Variants in HSPG2 observed in about 807,000 individuals in gnomAD.
HSPG2 encodes the protein heparan sulfate proteoglycan 2.
HSPG2 carries 278 observed loss-of-function variants against 526.6 expected under a neutral mutation model. The observed-to-expected ratio is 0.53, with a 90% CI of 0.48 to 0.58. The LOEUF (loss-of-function observed/expected upper bound fraction) is 0.58. Among genes scored for constraint, HSPG2 ranks in the 20% least tolerant of loss-of-function variants. The pLI, the probability that HSPG2 is intolerant of heterozygous loss-of-function variation, is 0.00. For missense variants in HSPG2, 5,354 were observed against 6,099.5 expected (o/e 0.88, Z 4.07); for synonymous variants, 2,465 against 2,555.4 (o/e 0.96, Z 1.07).
intron 37 of HSPG2, 29 bp from the exon 38 acceptor site, chr1:21,862,144 GC>G: frequency 6.2e-7 from 1 of 1,608,882 alleles, no homozygotes; most frequent in East Asian, 2.2e-5. Context: ...GCAGGCACCA[GC>G]CATTAGGCCA....
At position 21,870,982 on chromosome 1, in the gene HSPG2, G is replaced by A. The variant is rs571352193; in HGVS notation, c.4221+1204C>T. 6.1e-4 allele frequency: 335 copies of A among 549,058 alleles called. 2 individuals are homozygous for A. The African/African-American group carries it at 6.2e-3, about 10-fold the overall frequency. 34.0% of individuals were successfully genotyped at this position (549,058 alleles called of 1,614,324 possible). A position where few individuals can be genotyped will look rare whatever the true frequency, so the allele number is the denominator to read the frequency against. ...AGCGAACCCCAGAAGGGAGAGGGGA[G>A]AAGGGACCAGAAGGCAGCCAGCCCC... is the stretch of plus-strand genomic sequence containing the variant. On this transcript the variant is annotated intron_variant, in intron 33 of 96. Coordinates refer to ENST00000374695, the MANE Select transcript of HSPG2 (RefSeq NM_005529.7).
chr1:21,928,346 G>A (rs1644258940), intron 1 of HSPG2, among the ~76,000 whole-genome samples: 1 of 152,250 alleles, frequency 6.6e-6, no homozygotes, highest in South Asian at 2.1e-4. Context: ...AAGTGCAGGG[G>A]CCAGAGCACG....
chr1:21,871,489 T>C lies in HSPG2; in HGVS notation c.4221+697A>G, dbSNP rs539191350. Among the ~76,000 whole-genome samples the C allele has an allele frequency of 4.6e-5, 7 of 152,222 alleles. No individual in the cohort carries two copies. The South Asian group carries it at 1.5e-3, about 32-fold the overall frequency. ...ATTGCCCAGGCTGGTCTCAAACTCC[T>C]GAGCTCAAGTGGTCCTCCCGCCTCA... On this transcript the variant is annotated intron_variant, in intron 33 of 96. Transcript: ENST00000374695.
chr1:21,828,788 G>T lies in HSPG2; in HGVS notation c.12237+47C>A. On this transcript the variant is annotated intron_variant, in intron 88 of 96. Transcript: ENST00000374695. This position sits in a 1 kb window ranked among gnomAD's most constrained non-coding sequence, Gnocchi z 6.0. Reference sequence around the variant, plus strand: ...CTTGGAGAGCCGAGGGGGACACAAGGCTTGGCACCCCTCCCCTCCCGCTTG... The same window carrying T: ...CTTGGAGAGCCGAGGGGGACACAAGTCTTGGCACCCCTCCCCTCCCGCTTG... The T allele has an allele frequency of 3.9e-6, 6 of 1,549,704 alleles. No homozygotes were observed. The highest frequency in any genetic ancestry group is 4.4e-6 in the Non-Finnish European group (5 of 1,146,786).
At chr1:21,927,024 C>G (rs1644214880) in intron 1 of HSPG2, among the ~76,000 whole-genome samples, 2 of 152,058 alleles carry the variant, frequency 1.3e-5, no homozygotes, top group African/African-American at 4.8e-5. Flanking sequence ...GAGCCATGGG[C>G]AGGCGCAGGG....
Position 21,846,123 on chromosome 1 carries a change from C to A in HSPG2, c.8449G>T (p.Ala2817Ser), listed in dbSNP as rs1017686610. The A allele has an allele frequency of 1.2e-6, 2 of 1,612,902 alleles. No homozygotes were observed. ...LVTIEASGSS[A>S]VHVPAPGGAP... Reference sequence around the variant, plus strand: ...GGACCCTCACCGGGGACGTGGACAGCACTTGAGCCAGAGGCTTCGATGGTG... The same window carrying A: ...GGACCCTCACCGGGGACGTGGACAGAACTTGAGCCAGAGGCTTCGATGGTG... Residue 2817 changes from alanine (A) to serine (S), a missense_variant, in exon 64 of 97, where the codon GCT (alanine) becomes TCT (serine). Coordinates refer to ENST00000374695, the MANE Select transcript of HSPG2 (RefSeq NM_005529.7).
chr1:21,848,224 T>C lies in HSPG2; in HGVS notation c.7738-131A>G. The stretch of plus-strand genomic sequence containing the variant: ...GCCTCCTCAGTGGCCTTCGTGAAGC[T>C]CCCAGCATGGCATGTGGCCTGTCTC... On this transcript the variant is annotated intron_variant, in intron 59 of 96. Transcript: ENST00000374695. This position sits in a 1 kb window ranked among gnomAD's most constrained non-coding sequence, Gnocchi z 4.9. 1.2e-5 allele frequency: 13 copies of C among 1,070,830 alleles called. No individual in the cohort carries two copies. Among genetic ancestry groups the C allele is most frequent in the Non-Finnish European group, 1.7e-5 (12 of 726,194 alleles). The allele number at this position is 1,070,830 out of a possible 1,614,324, so 66.3% of individuals were successfully genotyped here.
rs1557743681 is a variant in HSPG2 at position 21,864,836 on chromosome 1, C to T, written c.4626+7G>A. 2 of 1,605,986 alleles carry T rather than the reference C, an allele frequency of 1.2e-6. No homozygotes were observed. Among genetic ancestry groups the T allele is most frequent in the East Asian group, 2.2e-5 (1 of 44,596 alleles). The stretch of plus-strand genomic sequence containing the variant: ...TGCAGAGGTGGTGGAGCTGGCCACA[C>T]ACTCACCTGGCAGGACAGACCGATG... On this transcript the variant is annotated splice_region_variant and intron_variant, in intron 36 of 96. Coordinates refer to ENST00000374695, the MANE Select transcript of HSPG2 (RefSeq NM_005529.7). This position sits in a 1 kb window ranked among gnomAD's most constrained non-coding sequence, Gnocchi z 4.8.
At position 21,875,892 on chromosome 1, in the gene HSPG2, G is replaced by A. The variant is rs544172715; in HGVS notation, c.3154C>T (p.Pro1052Ser). 1.6e-4 allele frequency: 258 copies of A among 1,614,104 alleles called. 5 individuals carry two copies. The South Asian group carries it at 2.7e-3, about 17-fold the overall frequency. Residue 1052 changes from proline to serine, a missense_variant, in exon 24 of 97, where the codon CCC becomes TCC. Transcript: ENST00000374695. ...HVAQEPSPGQ[P>S]STFIVPFREQ... is the part of the protein sequence containing the mutation. ...CGGAAAGGCACAATGAAGGTGCTGGGCTGGCCGGGGCTGGGCTCCTGGGCC... is the reference window on the plus strand; with the variant it reads ...CGGAAAGGCACAATGAAGGTGCTGGACTGGCCGGGGCTGGGCTCCTGGGCC...
intron 75 of HSPG2, among the ~76,000 whole-genome samples, chr1:21,835,856 C>G (rs185596336): frequency 1.3e-5 from 2 of 151,980 alleles, no homozygotes; most frequent in Non-Finnish European, 2.9e-5. Flanking sequence ...TGGTGGCACA[C>G]GCCTGTAATC....
Position 21,885,076 on chromosome 1 carries a change from A to T in HSPG2, c.1292T>A (p.Ile431Asn). 6.2e-7 allele frequency: 1 copy of T among 1,613,774 alleles called. No individual in the cohort carries two copies. Among genetic ancestry groups the T allele is most frequent in the East Asian group, 2.2e-5 (1 of 44,846 alleles). ...GQTVTFTCVA[I>N]GVPTPIINWR... ...ATTGATGATGGGGGTGGGGACGCCA[A>T]TGGCCACGCAGGTGAAGGTCACTGT... Residue 431 changes from isoleucine (I) to asparagine (N), a missense_variant, in exon 11 of 97, where the codon ATT becomes AAT. Coordinates refer to ENST00000374695, the MANE Select transcript of HSPG2 (RefSeq NM_005529.7).
chr1:21,833,734 C>A (rs1479231626), intron 78 of HSPG2, 82 bp downstream of exon 78: 4 of 1,538,776 alleles, frequency 2.6e-6, no homozygotes, highest in Non-Finnish European at 3.6e-6. Context: ...CAAGCCTGTG[C>A]CACATCCTGG....
Position 21,839,821 on chromosome 1 carries a change from C to T in HSPG2, c.9709+1G>A, listed in dbSNP as rs1406977726. 6.2e-7 allele frequency: 1 copy of T among 1,613,404 alleles called. No homozygotes were observed. The highest frequency in any genetic ancestry group is 8.5e-7 in the Non-Finnish European group (1 of 1,180,018). ...CCCTATGTGCCAGCCCTTGGTCACA[C>T]CTGTGGCTGAGCAGCGCAAGGTGGC... On this transcript the variant is annotated splice_donor_variant, in intron 72 of 96. Coordinates refer to ENST00000374695, the MANE Select transcript of HSPG2 (RefSeq NM_005529.7). LOFTEE classifies it high-confidence loss of function. This position sits in a 1 kb window ranked among gnomAD's most constrained non-coding sequence, Gnocchi z 4.5.
chr1:21,869,542 C>T (rs943123115), intron 33 of HSPG2: 6 of 987,728 alleles, frequency 6.1e-6, no homozygotes, highest in Non-Finnish European at 6.0e-6. Context: ...AGGTGCTGCT[C>T]GCAGAGCAGC....
At chr1:21,918,982 T>C (rs1434440847) in intron 1 of HSPG2, among the ~76,000 whole-genome samples, 1 of 152,350 alleles carries the variant, frequency 6.6e-6, no homozygotes, top group East Asian at 1.9e-4. Flanking sequence ...CAGTGGCTGC[T>C]GCTGCCCGCC....
Position 21,838,715 on chromosome 1 carries a change from T to C in HSPG2, c.10150+110A>G, listed in dbSNP as rs1406048051. 7 of 1,179,778 alleles carry C rather than the reference T, an allele frequency of 5.9e-6. No homozygotes were observed. In the African/African-American group the frequency reaches 1.1e-4, roughly 19 times the overall value. The allele number at this position is 1,179,778 out of a possible 1,614,324, so 73.1% of individuals were successfully genotyped here. On this transcript the variant is annotated intron_variant, in intron 74 of 96. Transcript: ENST00000374695. ...TGGAGAGTAGGGGAGATGAGGGCATTCCAGGTGGGGTTATGGAGGGAGGCC... is the reference window on the plus strand; with the variant it reads ...TGGAGAGTAGGGGAGATGAGGGCATCCCAGGTGGGGTTATGGAGGGAGGCC...
At chr1:21,830,282 G>A (rs1348986278) in intron 85 of HSPG2, 191 bp from the exon 86 acceptor site, 3 of 609,966 alleles carry the variant, frequency 4.9e-6, no homozygotes, top group South Asian at 1.9e-5. Flanking sequence ...AGGGAGGACT[G>A]CAGGGGAAGC....
Position 21,847,348 on chromosome 1 carries a change from A to G in HSPG2, c.8164+6T>C. On this transcript the variant is annotated splice_donor_region_variant and intron_variant, in intron 62 of 96. Transcript: ENST00000374695. This position sits in a 1 kb window ranked among gnomAD's most constrained non-coding sequence, Gnocchi z 4.1. ...CATCCCTCGTCCCTTTCCTAGGCAGACTCACCGGAGGGGCTGCCGGCGCTA... is the reference window on the plus strand; with the variant it reads ...CATCCCTCGTCCCTTTCCTAGGCAGGCTCACCGGAGGGGCTGCCGGCGCTA... 2.5e-6 allele frequency: 4 copies of G among 1,613,768 alleles called. No individual in the cohort carries two copies. Among genetic ancestry groups the G allele is most frequent in the South Asian group, 1.1e-5 (1 of 91,084 alleles).
chr1:21,921,412 G>C (rs1031072786), intron 1 of HSPG2, among the ~76,000 whole-genome samples: 1 of 152,164 alleles, frequency 6.6e-6, no homozygotes, highest in Non-Finnish European at 1.5e-5. Flanking sequence ...TACTATACCA[G>C]AGTTCACATT....
Sources: allele counts gnomAD v4.1 joint callset (sites outside exome capture counted in the v4.1 genomes callset), GRCh38; gene constraint gnomAD v4.1.1; non-coding constraint Gnocchi (gnomAD v3.1); transcripts MANE v1.5; gene names NCBI Gene and HGNC (gene_info 2026-07-23, HGNC 2026-07-21).